The following AGO2 variants were observed in gnomAD, a reference collection of about 807,000 sequenced individuals.
AGO2 encodes protein argonaute-2.
In AGO2, 5 loss-of-function variants were observed where a neutral mutation model predicts 102.3. The ratio of observed to expected loss-of-function variants is 0.05; its 90% CI spans 0.03 to 0.10. The LOEUF (loss-of-function observed/expected upper bound fraction) is 0.10, where lower values mean the gene tolerates loss of function less well. Among genes scored for constraint, AGO2 ranks in the 10% least tolerant of loss-of-function variants. The pLI is 1.00. For missense variants in AGO2, 541 were observed against 1,183.7 expected (o/e 0.46, Z 7.97); for synonymous variants, 449 against 473.1 (o/e 0.95, Z 0.66).
rs181029587 is a variant in AGO2, at chr8:140,589,517, C to T, written c.23-4206G>A. On this transcript the variant is annotated intron_variant, in intron 1 of 18. Transcript: ENST00000220592. The surrounding 1 kb of genome is among the most constrained non-coding windows in gnomAD (Gnocchi z 4.2). ...TCAGGGGATGTAAACGGTTAAACATCTGCCACCCAAATGACATGCAAAGCT... is the reference window on the plus strand; with the variant it reads ...TCAGGGGATGTAAACGGTTAAACATTTGCCACCCAAATGACATGCAAAGCT... 6.6e-6 allele frequency among the ~76,000 whole-genome samples: 1 copy of T among 152,322 alleles called. No homozygotes were observed. Among genetic ancestry groups the T allele is most frequent in the Admixed American group, 6.5e-5 (1 of 15,304 alleles).
At position 140,522,548 on chromosome 8, in the gene AGO2, A is replaced by AT. The variant is rs2072431211; in HGVS notation, c.*9495dup. On this transcript the variant is annotated 3_prime_UTR_variant, in exon 19 of 19. Transcript: ENST00000220592. ...CTGGAGGGGAAAAAAAAAAAGAAAC[A>AT]TGAAAAAAAAAAAAAACCCTGAAAA... 4.2e-5 allele frequency: 2 copies of AT among 48,078 alleles called. No homozygotes were observed. Among genetic ancestry groups the AT allele is most frequent in the Admixed American group, 4.8e-4 (2 of 4,194 alleles). The allele number at this position is 48,078 out of a possible 1,614,324, so 3.0% of individuals were successfully genotyped here. A position where few individuals can be genotyped will look rare whatever the true frequency, so the allele number is the denominator to read the frequency against.
At chr8:140,568,310 C>CAAAAA (rs2073324585) in intron 3 of AGO2, among the ~76,000 whole-genome samples, 1 of 134,448 alleles carries the variant, frequency 7.4e-6, no homozygotes, top group Non-Finnish European at 1.6e-5. Flanking sequence ...AGAGAGAGCA[C>CAAAAA]AAAGAAACTG....
chr8:140,625,342 G>A (rs2074262595), intron 1 of AGO2, among the ~76,000 whole-genome samples: 1 of 152,142 alleles, frequency 6.6e-6, no homozygotes, highest in African/African-American at 2.4e-5. Context: ...CTGACCTCAG[G>A]TGATCCGCCC....
At chr8:140,535,630 G>A in intron 16 of AGO2, 61 bp from the exon 17 acceptor site, 1 of 1,562,834 alleles carries the variant, frequency 6.4e-7, no homozygotes, top group Non-Finnish European at 8.8e-7. Context: ...AAGCAGGCGG[G>A]CCAGGCAGCC....
intron 1 of AGO2, among the ~76,000 whole-genome samples, chr8:140,627,399 C>T (rs998547906): frequency 1.3e-5 from 2 of 152,176 alleles, no homozygotes; most frequent in Non-Finnish European, 2.9e-5. Context: ...AGTTTTTGAT[C>T]TTTTTATGTG....
chr8:140,636,062 C>T (rs1027194329), upstream of AGO2, among the ~76,000 whole-genome samples: 2 of 151,360 alleles, frequency 1.3e-5, no homozygotes, highest in African/African-American at 4.8e-5. Flanking sequence ...CTTTCCCCGC[C>T]GCCCCCCGGT....
chr8:140,585,589 C>T (rs1324489801), intron 1 of AGO2, among the ~76,000 whole-genome samples: 3 of 152,154 alleles, frequency 2.0e-5, no homozygotes, highest in African/African-American at 4.8e-5. Context: ...ATTACTAGCA[C>T]GGGAGACAAG....
intron 1 of AGO2, among the ~76,000 whole-genome samples, chr8:140,593,813 G>A (rs1384199835): frequency 6.6e-6 from 1 of 152,098 alleles, no homozygotes; most frequent in Non-Finnish European, 1.5e-5. Context: ...CTGACAGGCA[G>A]AGCTGGGATT....
At chr8:140,597,480 C>CCCCCCCCA (rs2073864620) in intron 1 of AGO2, among the ~76,000 whole-genome samples, 3 of 132,126 alleles carry the variant, frequency 2.3e-5, no homozygotes, top group African/African-American at 5.5e-5. Flanking sequence ...CCCCACCCCC[C>CCCCCCCCA]CCCCCCCGCC....
At position 140,579,062 on chromosome 8, in the gene AGO2, C is replaced by T. The variant is rs1023255984; in HGVS notation, c.215+6057G>A. On this transcript the variant is annotated intron_variant, in intron 2 of 18. Coordinates refer to ENST00000220592, the MANE Select transcript of AGO2 (RefSeq NM_012154.5). Reference sequence around the variant, plus strand: ...ACACAGAGAGACCCCATCTCTACAACGTATTTAAAAATTAGTGGAGTGTGG... The same window carrying T: ...ACACAGAGAGACCCCATCTCTACAATGTATTTAAAAATTAGTGGAGTGTGG... Among the ~76,000 whole-genome samples the T allele has an allele frequency of 2.0e-4, 31 of 152,042 alleles. 1 individual carries two copies. The highest frequency in any genetic ancestry group is 7.5e-4 in the African/African-American group (31 of 41,380).
At chr8:140,633,389 A>G (rs531961730) in intron 1 of AGO2, among the ~76,000 whole-genome samples, 1 of 152,308 alleles carries the variant, frequency 6.6e-6, no homozygotes, top group East Asian at 1.9e-4. Flanking sequence ...GCCATTAGCT[A>G]TGAATTATCC....
chr8:140,534,467 C>T (rs1214579825), intron 17 of AGO2, among the ~76,000 whole-genome samples: 1 of 152,182 alleles, frequency 6.6e-6, no homozygotes, highest in Non-Finnish European at 1.5e-5. Context: ...GCACTTTGCA[C>T]CAGGAAGTGC....
In AGO2 at chr8:140,613,016, G is replaced by A. The variant is rs796416895; in HGVS notation, c.22+22469C>T. ...AGATCGACACCATCCTGGCTAACACGGTGAAACCCCGTCTCCACTAAAAAT... is the reference window on the plus strand; with the variant it reads ...AGATCGACACCATCCTGGCTAACACAGTGAAACCCCGTCTCCACTAAAAAT... On this transcript the variant is annotated intron_variant, in intron 1 of 18. Coordinates refer to ENST00000220592, the MANE Select transcript of AGO2 (RefSeq NM_012154.5). 3.6e-4 allele frequency among the ~76,000 whole-genome samples: 55 copies of A among 152,100 alleles called. 1 individual carries two copies. Among genetic ancestry groups the A allele is most frequent in the African/African-American group, 1.0e-3 (43 of 41,496 alleles).
chr8:140,581,055 G>T (rs1323378624), intron 2 of AGO2, among the ~76,000 whole-genome samples: 2 of 152,276 alleles, frequency 1.3e-5, no homozygotes, highest in Non-Finnish European at 2.9e-5. Flanking sequence ...AAAGCTGCTT[G>T]TGTACTGTGG....
At position 140,572,915 on chromosome 8, in the gene AGO2, A is replaced by G. The variant is rs1437161205; in HGVS notation, c.233T>C (p.Met78Thr). Residue 78 changes from methionine (M) to threonine (T), a missense_variant, in exon 3 of 19, where the codon ATG (methionine) becomes ACG (threonine). This residue lies in a region of AGO2 where 147 missense variants were observed against 204.1 expected (regional missense o/e 0.72). Coordinates refer to ENST00000220592, the MANE Select transcript of AGO2 (RefSeq NM_012154.5). Reference sequence around the variant, plus strand: ...GATCTGTGTTTTAAAGTGCTGGACCATGTGTTCCACGATTTCCCTGAAACA... The same window carrying G: ...GATCTGTGTTTTAAAGTGCTGGACCGTGTGTTCCACGATTTCCCTGAAACA... ...RRVNREIVEH[M>T]VQHFKTQIFG... 6.2e-7 allele frequency: 1 copy of G among 1,609,634 alleles called. No homozygotes were observed. Among genetic ancestry groups the G allele is most frequent in the South Asian group, 1.1e-5 (1 of 89,638 alleles).
intron 10 of AGO2, 30 bp downstream of exon 10, chr8:140,555,864 CAG>C: frequency 6.2e-7 from 1 of 1,603,504 alleles, no homozygotes; most frequent in Non-Finnish European, 8.5e-7. Flanking sequence ...ACATGCCCCG[CAG>C]CCACACGTTC....
At chr8:140,634,917 G>A (rs1041452998) in intron 1 of AGO2, among the ~76,000 whole-genome samples, 1 of 152,110 alleles carries the variant, frequency 6.6e-6, no homozygotes, top group African/African-American at 2.4e-5. Context: ...GGGCCACAAC[G>A]GAGCGCGCCA....
In AGO2 at chr8:140,556,301, TAG is replaced by T. The variant is rs1183640255; in HGVS notation, c.1027-17_1027-16del. Reference sequence around the variant, plus strand: ...ATGTTACAGACCTGTGAAGAGGACGTAGAGACAGGCCGTCAGTGCCGCACTGG... The same window carrying T: ...ATGTTACAGACCTGTGAAGAGGACGTAGACAGGCCGTCAGTGCCGCACTGG... On this transcript the variant is annotated splice_polypyrimidine_tract_variant and intron_variant, in intron 8 of 18. Coordinates refer to ENST00000220592, the MANE Select transcript of AGO2 (RefSeq NM_012154.5). The T allele has an allele frequency of 3.7e-6, 6 of 1,613,644 alleles. No homozygotes were observed. Among genetic ancestry groups the T allele is most frequent in the Non-Finnish European group, 5.1e-6 (6 of 1,179,852 alleles).
chr8:140,613,753 C>T (rs1216175250), intron 1 of AGO2, among the ~76,000 whole-genome samples: 1 of 152,148 alleles, frequency 6.6e-6, no homozygotes, highest in African/African-American at 2.4e-5. Context: ...TGGTAGCTCA[C>T]ACCTATAATC....
Sources: gnomAD v4.1 joint callset for allele counts (sites outside exome capture counted in the v4.1 genomes callset) on GRCh38, gnomAD v4.1.1 for gene constraint, gnomAD v4.1.1 regional missense constraint, Gnocchi (gnomAD v3.1) non-coding constraint, MANE v1.5 for transcripts, NCBI Gene and HGNC (gene_info 2026-07-23, HGNC 2026-07-21) for gene names.